ZNF479: variants seen among roughly 807,000 people sequenced by gnomAD.
The protein encoded by ZNF479 is KRAB zinc finger protein KR19.
A neutral mutation model predicts 14.7 loss-of-function variants in ZNF479; 15 were observed. The observed-to-expected ratio is 1.02, with a 90% CI of 0.68 to 1.57. The LOEUF (loss-of-function observed/expected upper bound fraction) is 1.57, where lower values mean the gene tolerates loss of function less well. ZNF479 is among the 40% of genes most tolerant of loss of function. ZNF479 has a pLI of 0.00. For synonymous variants in ZNF479, 145 were observed against 211.5 expected (o/e 0.69, Z 2.73); for missense variants, 506 against 615.1 (o/e 0.82, Z 1.88).
rs1378251564 is a variant in ZNF479, at chr7:57,119,166, G to T, written c.*674C>A. 7.9e-5 allele frequency among the ~76,000 whole-genome samples: 12 copies of T among 152,198 alleles called. No homozygotes were observed. The East Asian group carries it at 2.1e-3, about 27-fold the overall frequency. On this transcript the variant is annotated 3_prime_UTR_variant, in exon 4 of 4. Coordinates refer to ENST00000319636, the MANE Select transcript of ZNF479 (RefSeq NM_001370129.2). ...AGACATTACCATATTCCTTATTGTA[G>T]GGTTTCTCTTCAGTATTAATTCTCT...
rs1272026770 is a variant in ZNF479 at position 57,119,733 on chromosome 7, G to A, written c.*107C>T. 1 of 1,072,970 alleles carries A rather than the reference G, an allele frequency of 9.3e-7. No homozygotes were observed. Among genetic ancestry groups the A allele is most frequent in the African/African-American group, 1.6e-5 (1 of 62,422 alleles). 66.5% of individuals were successfully genotyped at this position (1,072,970 alleles called of 1,614,324 possible). On this transcript the variant is annotated 3_prime_UTR_variant, in exon 4 of 4. Coordinates refer to ENST00000319636, the MANE Select transcript of ZNF479 (RefSeq NM_001370129.2). The stretch of plus-strand genomic sequence containing the variant: ...TATGAATTCTCTTACATTCAATTAA[G>A]GTTTGGAACTGGTTAAAGGCTTGGC...
rs201930768 is a variant in ZNF479, at chr7:57,118,096, A to C, written c.*1744T>G. On this transcript the variant is annotated 3_prime_UTR_variant, in exon 4 of 4. Transcript: ENST00000319636. ...GGTTCTGCAAAAATATTTAGTACAA[A>C]CTGGTGTTTTCTAAGCTGGAGGTTT... 0.072 allele frequency among the ~76,000 whole-genome samples: 6,300 copies of C among 87,570 alleles called. No individual in the cohort carries two copies. The highest frequency in any genetic ancestry group is 0.1 in the African/African-American group (2,444 of 23,618). 57.4% of individuals were successfully genotyped at this position (87,570 alleles called of 152,430 possible). A position where few individuals can be genotyped will look rare whatever the true frequency, so the allele number is the denominator to read the frequency against.
rs782658344 is a variant in ZNF479 at position 57,120,514 on chromosome 7, C to G, written c.901G>C (p.Glu301Gln). Reference sequence around the variant, plus strand: ...GATACGCTAAAGGCTTTGCCACATTCTTCACATTTGTAGGGTCTCTCTCCA... The same window carrying G: ...GATACGCTAAAGGCTTTGCCACATTGTTCACATTTGTAGGGTCTCTCTCCA... ...HTGERPYKCE[E>Q]CGKAFSVSST... The change falls in exon 4 of 4, where the codon GAA becomes CAA. Residue 301 changes from glutamate (E) to glutamine (Q), a missense_variant. Glu to Gln is a conservative substitution (Grantham distance 29, BLOSUM62 2). Transcript: ENST00000319636. 3 of 1,612,880 alleles carry G rather than the reference C, an allele frequency of 1.9e-6. No homozygotes were observed. In the Admixed American group the frequency reaches 5.0e-5, roughly 27 times the overall value.
intron 1 of ZNF479, among the ~76,000 whole-genome samples, chr7:57,131,130 A>G (rs915874059): frequency 6.6e-6 from 1 of 152,198 alleles, no homozygotes; most frequent in African/African-American, 2.4e-5. Flanking sequence ...CAGAGGATGA[A>G]GAAAATCAGA....
At chr7:57,125,829 T>A (rs867746743) in intron 3 of ZNF479, among the ~76,000 whole-genome samples, 189 bp downstream of exon 3, 15 of 152,234 alleles carry the variant, frequency 9.9e-5, no homozygotes, top group Non-Finnish European at 2.9e-5. Flanking sequence ...AGAAGTGGAA[T>A]CCTTAGAGAC....
Position 57,121,039 on chromosome 7 carries a change from T to A in ZNF479, c.376A>T (p.Lys126Ter), listed in dbSNP as rs201634908. The change falls in exon 4 of 4, where the codon AAA becomes TAA. Residue 126 changes from lysine to a stop codon, truncating the protein, a stop_gained. Coordinates refer to ENST00000319636, the MANE Select transcript of ZNF479 (RefSeq NM_001370129.2). LOFTEE classifies it low-confidence loss of function (END_TRUNC). The part of the protein sequence containing the change: ...GKCGHEKLQF[K>*]KCCKSVGEYE... ...TCACCCACACTTTTACAGCATTTTT[T>A]AAATTGTAATTTCTCATGTCCACAT... The A allele has an allele frequency of 2.0e-4, 326 of 1,614,008 alleles. No homozygotes were observed. Among genetic ancestry groups the A allele is most frequent in the Non-Finnish European group, 2.6e-4 (303 of 1,179,972 alleles).
Position 57,119,858 on chromosome 7 carries a change from T to C in ZNF479, c.1557A>G (p.Lys519=), listed in dbSNP as rs1554399735. The C allele has an allele frequency of 6.2e-7, 1 of 1,612,996 alleles. No homozygotes were observed. The highest frequency in any genetic ancestry group is 1.3e-5 in the African/African-American group (1 of 74,906). Residue 519 remains lysine (K), a synonymous_variant, in exon 4 of 4, where the codon AAA becomes AAG. Coordinates refer to ENST00000319636, the MANE Select transcript of ZNF479 (RefSeq NM_001370129.2). ...AKHKIIHTGE[K]PYKCE The stretch of plus-strand genomic sequence containing the variant: ...TGCCATATTATTCACATTTGTAGGG[T>C]TTCTCTCCAGTGTGAATTATCTTAT...
rs1786186218 is a variant in ZNF479, at chr7:57,126,743, C to G, written c.40-25G>C. The G allele has an allele frequency of 2.5e-6, 4 of 1,613,570 alleles. No individual in the cohort carries two copies. The African/African-American group carries it at 5.3e-5, about 22-fold the overall frequency. On this transcript the variant is annotated intron_variant, in intron 1 of 3. Coordinates refer to ENST00000319636, the MANE Select transcript of ZNF479 (RefSeq NM_001370129.2). Reference sequence around the variant, plus strand: ...CCTGGAAAACAAACAAACAAAACCACTCATGAACACACAAGCACTTACCAC... The same window carrying G: ...CCTGGAAAACAAACAAACAAAACCAGTCATGAACACACAAGCACTTACCAC...
chr7:57,125,154 C>A (rs1168706256), intron 3 of ZNF479, among the ~76,000 whole-genome samples: 1 of 152,078 alleles, frequency 6.6e-6, no homozygotes, highest in Non-Finnish European at 1.5e-5. Flanking sequence ...TGAAAGGTTG[C>A]ACAAAATTAA....
At chr7:57,138,071 G>A (rs1057027081) in intron 1 of ZNF479, among the ~76,000 whole-genome samples, 15 of 152,114 alleles carry the variant, frequency 9.9e-5, no homozygotes, top group Admixed American at 2.6e-4. Context: ...ACAGGACCCT[G>A]CCCATAGTAA....
At chr7:57,121,413 T>G (rs1554400610) in intron 3 of ZNF479, among the ~76,000 whole-genome samples, 1 of 152,170 alleles carries the variant, frequency 6.6e-6, no homozygotes, top group Admixed American at 6.6e-5. Flanking sequence ...AAGAAAAGTC[T>G]GCTACATTTA....
At chr7:57,138,990 G>A (rs529634391) in intron 1 of ZNF479, among the ~76,000 whole-genome samples, 31 of 152,292 alleles carry the variant, frequency 2.0e-4, no homozygotes, top group African/African-American at 7.0e-4. Flanking sequence ...TGACTCTCAT[G>A]CTTGGGCTTA....
intron 1 of ZNF479, among the ~76,000 whole-genome samples, chr7:57,127,923 T>TTATATA (rs199790031): frequency 7.1e-6 from 1 of 141,024 alleles, no homozygotes; most frequent in East Asian, 2.1e-4. Flanking sequence ...TTTAATTTTA[T>TTATATA]TATATATATA....
upstream of ZNF479, among the ~76,000 whole-genome samples, chr7:57,135,558 G>A (rs9691096): frequency 0.15 from 23,340 of 151,700 alleles, 1,823 homozygotes; most frequent in Admixed American, 0.19. Flanking sequence ...GATTACAGGC[G>A]CCCACCACCA....
intron 2 of ZNF479, 34 bp from the exon 3 acceptor site, chr7:57,126,147 A>C (rs1411648202): frequency 6.4e-7 from 1 of 1,560,744 alleles, no homozygotes; most frequent in South Asian, 1.2e-5. Context: ...AACATAGATC[A>C]TGCTGAATTC....
chr7:57,129,946 C>A (rs972543797), intron 1 of ZNF479, among the ~76,000 whole-genome samples: 1 of 152,002 alleles, frequency 6.6e-6, no homozygotes, highest in South Asian at 2.1e-4. Context: ...TAATTACAAC[C>A]GAAATACAAC....
upstream of ZNF479, among the ~76,000 whole-genome samples, chr7:57,136,471 CTT>C (rs1019150063): frequency 4.6e-5 from 7 of 152,110 alleles, no homozygotes; most frequent in Non-Finnish European, 1.0e-4. Flanking sequence ...AAATTTCCCT[CTT>C]GTTTTATGTT....
chr7:57,127,417 T>G (rs1322664449), intron 1 of ZNF479: 2 of 307,154 alleles, frequency 6.5e-6, no homozygotes, highest in African/African-American at 4.5e-5. Flanking sequence ...GGAAGATACC[T>G]CTCAAGTCTT....
chr7:57,135,661 C>T (rs1459877880), upstream of ZNF479, among the ~76,000 whole-genome samples: 2 of 152,198 alleles, frequency 1.3e-5, no homozygotes, highest in Non-Finnish European at 2.9e-5. Flanking sequence ...GATCCACCTG[C>T]CTCAGCCTCC....
Sources: allele counts gnomAD v4.1 joint callset (sites outside exome capture counted in the v4.1 genomes callset), GRCh38; gene constraint gnomAD v4.1.1; transcripts MANE v1.5; gene names NCBI Gene and HGNC (gene_info 2026-07-23, HGNC 2026-07-21).